PCDHGA2: variants seen among roughly 807,000 people sequenced by gnomAD.
PCDHGA2 encodes the protein protocadherin gamma subfamily A, 2.
Under a neutral mutation model 59.2 loss-of-function variants are expected in PCDHGA2, and 40 were observed. That is an observed-to-expected ratio of 0.68 (90% CI 0.52 to 0.88). The LOEUF is 0.88. Ranked by LOEUF, PCDHGA2 falls within the 40% of genes least tolerant of loss-of-function variation. The probability of loss-of-function intolerance (pLI) is 0.00; values close to 1 mark genes in which losing one functional copy is unlikely to be tolerated. For missense variants in PCDHGA2, 1,226 were observed against 1,204.0 expected, an observed-to-expected ratio of 1.02 and a Z score of -0.27; for synonymous variants, 560 against 526.0, an observed-to-expected ratio of 1.06 and a Z score of -0.89.
chr5:141,430,110 C>T (rs919470038), intron 1 of PCDHGA2, among the ~76,000 whole-genome samples: 1 of 152,060 alleles, frequency 6.6e-6, no homozygotes, highest in Admixed American at 6.5e-5. Flanking sequence ...CGTTACATGT[C>T]AACAACCTGG....
chr5:141,389,818 G>A (rs778055680), intron 1 of PCDHGA2: 1 of 1,613,888 alleles, frequency 6.2e-7, no homozygotes, highest in Non-Finnish European at 8.5e-7. Flanking sequence ...GTCGCCGTGC[G>A]TGACGGTGGA....
chr5:141,343,170 C>T (rs1054026930), intron 1 of PCDHGA2: 14 of 420,766 alleles, frequency 3.3e-5, no homozygotes, highest in Non-Finnish European at 4.1e-5. Flanking sequence ...ATATTGTTCA[C>T]CTTAAATCCC....
At chr5:141,388,913 A>T in intron 1 of PCDHGA2, 1 of 1,614,040 alleles carries the variant, frequency 6.2e-7, no homozygotes, top group Non-Finnish European at 8.5e-7. Context: ...ACAACGCCCC[A>T]GAAGTGATAT....
intron 1 of PCDHGA2, chr5:141,433,292 C>A: frequency 9.2e-7 from 1 of 1,082,526 alleles, no homozygotes; most frequent in South Asian, 1.6e-5. Context: ...CTCCTAGGCT[C>A]AAGCAATTAT....
At chr5:141,414,629 G>A (rs2095766704) in intron 1 of PCDHGA2, 2 of 1,613,882 alleles carry the variant, frequency 1.2e-6, no homozygotes, top group Non-Finnish European at 1.7e-6. Context: ...GACCCGGACA[G>A]CAAAGAGAAT....
At chr5:141,427,470 G>A (rs765970767) in intron 1 of PCDHGA2, 8 of 509,992 alleles carry the variant, frequency 1.6e-5, no homozygotes, top group African/African-American at 7.7e-5. Flanking sequence ...CGAATCTTCC[G>A]CCAATAATGA....
At position 141,384,373 on chromosome 5, in the gene PCDHGA2, G is replaced by A. The variant is rs916805364; in HGVS notation, c.2424+42978G>A. 27 of 1,613,764 alleles carry A rather than the reference G, an allele frequency of 1.7e-5. No homozygotes were observed. The highest frequency in any genetic ancestry group is 2.1e-5 in the Non-Finnish European group (25 of 1,179,894). ...TAATGCCCAGATCACTTATTCCTTGGCCGAAGACACCATCCAGGGGGCTCC... is the reference window on the plus strand; with the variant it reads ...TAATGCCCAGATCACTTATTCCTTGACCGAAGACACCATCCAGGGGGCTCC... On this transcript the variant is annotated intron_variant, in intron 1 of 3. Coordinates refer to ENST00000394576, the MANE Select transcript of PCDHGA2 (RefSeq NM_018915.4).
intron 1 of PCDHGA2, among the ~76,000 whole-genome samples, chr5:141,436,410 G>T (rs2154557099): frequency 6.6e-6 from 1 of 152,200 alleles, no homozygotes; most frequent in East Asian, 1.9e-4. Flanking sequence ...TTGAATGAAT[G>T]GATAAACAAA....
intron 1 of PCDHGA2, among the ~76,000 whole-genome samples, chr5:141,464,803 G>A (rs933573443): frequency 1.5e-4 from 23 of 152,092 alleles, no homozygotes; most frequent in African/African-American, 5.1e-4. Context: ...CAGTGATGCA[G>A]TCATAGCTCA....
intron 2 of PCDHGA2, 141 bp downstream of exon 2, chr5:141,495,006 G>C (rs1030195663): frequency 2.0e-6 from 3 of 1,521,446 alleles, no homozygotes; most frequent in Non-Finnish European, 8.8e-7. Flanking sequence ...CTTGGTGTGC[G>C]GGGGGCTGGC....
rs376209053 is a variant in PCDHGA2, at chr5:141,410,666, T to A, written c.2424+69271T>A. On this transcript the variant is annotated intron_variant, in intron 1 of 3. Transcript: ENST00000394576. ...TGTGATTTATCTAATAGTCTACTAG[T>A]TTCTCATATTTTAGGCATACTACTT... is the stretch of plus-strand genomic sequence containing the variant. 2.6e-6 allele frequency: 4 copies of A among 1,565,890 alleles called. No homozygotes were observed. In the African/African-American group the frequency reaches 5.5e-5, roughly 21 times the overall value.
intron 1 of PCDHGA2, chr5:141,427,448 TC>T (rs1355717683): frequency 6.2e-6 from 3 of 484,982 alleles, no homozygotes; most frequent in Non-Finnish European, 1.2e-5. Flanking sequence ...ACGAAAGAGT[TC>T]CTTTTAGAAT....
chr5:141,423,751 G>GT, intron 1 of PCDHGA2: 12 of 349,026 alleles, frequency 3.4e-5, no homozygotes, highest in Non-Finnish European at 4.3e-5. Context: ...AAAACTGTTT[G>GT]GGGGGGGGGT....
intron 1 of PCDHGA2, among the ~76,000 whole-genome samples, chr5:141,381,404 T>A (rs78789599): frequency 5.8e-4 from 89 of 152,360 alleles, no homozygotes; most frequent in African/African-American, 2.0e-3. Context: ...TCTATCAACA[T>A]CAGTGGAGAG....
intron 1 of PCDHGA2, among the ~76,000 whole-genome samples, chr5:141,435,619 T>A (rs2097772280): frequency 6.6e-6 from 1 of 152,190 alleles, no homozygotes; most frequent in Non-Finnish European, 1.5e-5. Context: ...AAATTCCCCA[T>A]AACTTTTACA....
chr5:141,511,135 G>A lies in PCDHGA2; in HGVS notation c.2761G>A (p.Gly921Ser), dbSNP rs200541479. Residue 921 changes from glycine to serine, a missense_variant, in exon 4 of 4, where the codon GGC becomes AGC. Physicochemically the swap from Gly to Ser is moderately conservative, Grantham distance 56. Coordinates refer to ENST00000394576, the MANE Select transcript of PCDHGA2 (RefSeq NM_018915.4). The stretch of plus-strand genomic sequence containing the variant: ...TGGCAAGGCCCCAGCAGGTGGCAAT[G>A]GCAACAAGAAGAAGTCGGGCAAGAA... ...RDGKAPAGGN[G>S]NKKKSGKKEK... 2.8e-4 allele frequency: 448 copies of A among 1,614,188 alleles called. No homozygotes were observed. Among genetic ancestry groups the A allele is most frequent in the Non-Finnish European group, 3.0e-4 (352 of 1,180,016 alleles).
intron 1 of PCDHGA2, among the ~76,000 whole-genome samples, chr5:141,461,917 G>A (rs527287831): frequency 6.6e-6 from 1 of 152,098 alleles, no homozygotes; most frequent in South Asian, 2.1e-4. Flanking sequence ...TCTGCCTCCT[G>A]GGTTCCAGCA....
intron 1 of PCDHGA2, chr5:141,441,550 G>C (rs2098254247): frequency 5.4e-6 from 1 of 184,034 alleles, no homozygotes; most frequent in Non-Finnish European, 1.1e-5. Context: ...AGCCTCCATA[G>C]TGTGCAAGTA....
At chr5:141,349,316 C>A (rs1052466921) in intron 1 of PCDHGA2, among the ~76,000 whole-genome samples, 2 of 152,140 alleles carry the variant, frequency 1.3e-5, no homozygotes, top group African/African-American at 4.8e-5. Context: ...GTGTTCTTCC[C>A]ACCTTGGCCT....
Sources: gnomAD v4.1 joint callset for allele counts (sites outside exome capture counted in the v4.1 genomes callset) on GRCh38, gnomAD v4.1.1 for gene constraint, MANE v1.5 for transcripts, NCBI Gene and HGNC (gene_info 2026-07-23, HGNC 2026-07-21) for gene names.